Variants in TTN observed in about 807,000 individuals in gnomAD.
TTN encodes the protein connectin.
Under a neutral mutation model 3,223.0 loss-of-function variants are expected in TTN, and 1,525 were observed. The ratio of observed to expected loss-of-function variants is 0.47; its 90% CI spans 0.45 to 0.49. The LOEUF is 0.49. Ranked by LOEUF, TTN falls within the 20% of genes least tolerant of loss-of-function variation. The probability of loss-of-function intolerance (pLI) is 0.00; values close to 1 mark genes in which losing one functional copy is unlikely to be tolerated. For synonymous variants in TTN, 14,094 were observed against 15,161.0 expected (o/e 0.93, Z 5.17); for missense variants, 40,786 against 43,424.0 (o/e 0.94, Z 5.40).
In TTN at chr2:178,629,340, T is replaced by C. The variant is rs772233754; in HGVS notation, c.44385A>G (p.Glu14795=). ...CELSYEDIPV[E]WYLKGKKLEP... ...CTAGTTTCTTCCCTTTGAGATACCATTCCACTGGGATATCTTCGTAGGAGA... is the reference window on the plus strand; with the variant it reads ...CTAGTTTCTTCCCTTTGAGATACCACTCCACTGGGATATCTTCGTAGGAGA... The change falls in exon 240 of 363, where the codon GAA becomes GAG. Residue 14795 remains glutamate (E), a synonymous_variant. Transcript: ENST00000589042. 2 of 1,612,856 alleles carry C rather than the reference T, an allele frequency of 1.2e-6. No individual in the cohort carries two copies. Among genetic ancestry groups the C allele is most frequent in the Admixed American group, 1.7e-5 (1 of 59,974 alleles).
chr2:178,573,813 G>C lies in TTN; in HGVS notation c.72319C>G (p.Pro24107Ala). ...AAAATGTGTTTAGCAAAGCCACCAGGATTAGTCGCTGTAAGGGTATAGGCA... is the reference window on the plus strand; with the variant it reads ...AAAATGTGTTTAGCAAAGCCACCAGCATTAGTCGCTGTAAGGGTATAGGCA... The part of the protein sequence containing the change: ...SGAYTLTATN[P>A]GGFAKHIFNV... The change falls in exon 326 of 363, where the codon CCT becomes GCT. Residue 24107 changes from proline (P) to alanine (A), a missense_variant. Pro to Ala is a conservative substitution (Grantham distance 27, BLOSUM62 -1). Coordinates refer to ENST00000589042, the MANE Select transcript of TTN (RefSeq NM_001267550.2). 4.3e-6 allele frequency: 7 copies of C among 1,611,730 alleles called. No individual in the cohort carries two copies. Among genetic ancestry groups the C allele is most frequent in the Non-Finnish European group, 5.9e-6 (7 of 1,178,470 alleles).
chr2:178,696,143 T>C lies in TTN; in HGVS notation c.30929A>G (p.Lys10310Arg). Residue 10310 changes from lysine (K) to arginine (R), a missense_variant, in exon 114 of 363, where the codon AAG (lysine) becomes AGG (arginine). Coordinates refer to ENST00000589042, the MANE Select transcript of TTN (RefSeq NM_001267550.2). The stretch of plus-strand genomic sequence containing the variant: ...TTCGAAAGATTCAATGAAGACTCTC[T>C]TCTCCTTGTGGACTGCTTGCTTTTT... Reference protein sequence around the residue: ...YEKKQAVHKEKRVFIESFEEP... With the variant: ...YEKKQAVHKERRVFIESFEEP... 6.4e-7 allele frequency: 1 copy of C among 1,553,440 alleles called. No homozygotes were observed. Among genetic ancestry groups the C allele is most frequent in the Non-Finnish European group, 8.7e-7 (1 of 1,147,410 alleles).
chr2:178,689,087 T>C lies in TTN; in HGVS notation c.32061A>G (p.Pro10687=). ...GAGGAGCTTTCTTAGCGACAGGAAC[T>C]GGCACTGCAACTTTCTCCTCTGGGA... ...KPVPEEKVAV[P]VPVAKKAPPP... is the part of the protein sequence containing the mutation. The change falls in exon 125 of 363, where the codon CCA becomes CCG. Residue 10687 remains proline (P), a synonymous_variant. Coordinates refer to ENST00000589042, the MANE Select transcript of TTN (RefSeq NM_001267550.2). The C allele has an allele frequency of 6.2e-7, 1 of 1,608,574 alleles. No individual in the cohort carries two copies. The highest frequency in any genetic ancestry group is 8.5e-7 in the Non-Finnish European group (1 of 1,178,660).
In TTN at chr2:178,795,201, C is replaced by A. The variant is rs551244224; in HGVS notation, c.966G>T (p.Arg322Ser). ...GAGTCTTACGCATGAGCAATGGAGA[C>A]CTAACAGACCTGATGGGGGATGTGG... ...RISTSPIRSV[R>S]SPLLMRKTQA... Residue 322 changes from arginine to serine, a missense_variant, in exon 7 of 363, where the codon AGG (arginine) becomes AGT (serine). Transcript: ENST00000589042. The A allele has an allele frequency of 1.5e-5, 25 of 1,614,102 alleles. No homozygotes were observed. The highest frequency in any genetic ancestry group is 1.6e-4 in the Middle Eastern group (1 of 6,062).
intron 9 of TTN, among the ~76,000 whole-genome samples, chr2:178,792,679 T>C (rs1353776490): frequency 1.3e-5 from 2 of 152,230 alleles, no homozygotes; most frequent in Non-Finnish European, 2.9e-5. Flanking sequence ...CTGTGAAGAA[T>C]GCTGTTTCCA....
chr2:178,613,087 AATC>A lies in TTN; in HGVS notation c.49649-18_49649-16del. Reference sequence around the variant, plus strand: ...CCATGGAGGATCTGCAAGCCAATGAAATCATTGTTTAGGTTTGTCAAAAAGGAG... The same window carrying A: ...CCATGGAGGATCTGCAAGCCAATGAAATTGTTTAGGTTTGTCAAAAAGGAG... On this transcript the variant is annotated splice_polypyrimidine_tract_variant and intron_variant, in intron 264 of 362. Coordinates refer to ENST00000589042, the MANE Select transcript of TTN (RefSeq NM_001267550.2). 6.2e-7 allele frequency: 1 copy of A among 1,612,342 alleles called. No homozygotes were observed. The highest frequency in any genetic ancestry group is 8.5e-7 in the Non-Finnish European group (1 of 1,179,106).
chr2:178,624,975 A>G (rs758021579), intron 241 of TTN, among the ~76,000 whole-genome samples: 10 of 152,032 alleles, frequency 6.6e-5, no homozygotes, highest in Non-Finnish European at 8.8e-5. Context: ...CTTGGTTAAT[A>G]AAGTGATGGA....
chr2:178,612,145 AG>A lies in TTN; in HGVS notation c.50265del (p.Tyr16756ThrfsTer8). 1 of 1,611,160 alleles carries A rather than the reference AG, an allele frequency of 6.2e-7. No individual in the cohort carries two copies. The highest frequency in any genetic ancestry group is 8.5e-7 in the Non-Finnish European group (1 of 1,178,646). ...GTCACATCAACCACTGCCAGGGCGT[AG>A]GGTGGTCCAGGAGTGGCTGAAAATA... ...AKDTFTTPGP[P>X]YALAVVDVTK... On this transcript the variant is annotated frameshift_variant, in exon 267 of 363. Transcript: ENST00000589042. LOFTEE classifies it high-confidence loss of function.
In TTN at chr2:178,537,055, T is replaced by C. The variant is rs1221389929; in HGVS notation, c.100054A>G (p.Arg33352Gly). The change falls in exon 356 of 363, where the codon AGA becomes GGA. Residue 33352 changes from arginine to glycine, a missense_variant. Transcript: ENST00000589042. ...VSSAISVTTC[R>G]IVNLTENAGY... The stretch of plus-strand genomic sequence containing the variant: ...GCATTTTCTGTGAGGTTCACAATTC[T>C]ACAGGTTGTCACTGAGATGGCTGAA... The C allele has an allele frequency of 6.2e-7, 1 of 1,613,222 alleles. No homozygotes were observed. Among genetic ancestry groups the C allele is most frequent in the East Asian group, 2.2e-5 (1 of 44,814 alleles).
chr2:178,537,320 A>G, intron 355 of TTN, 22 bp downstream of exon 355: 1 of 1,523,110 alleles, frequency 6.6e-7, no homozygotes, highest in South Asian at 1.3e-5. Flanking sequence ...AATAAAAAGC[A>G]CTGAAAATAA....
Position 178,734,555 on chromosome 2 carries a change from G to A in TTN, c.15269C>T (p.Thr5090Ile). The part of the protein sequence containing the change: ...TLEPADIVRG[T>I]NALLQCEVSG... ...GACTTCACACTGAAGTAGAGCATTT[G>A]TTCCTCTCACTATGTCTGCAGGCTC... Residue 5090 changes from threonine (T) to isoleucine (I), a missense_variant, in exon 52 of 363, where the codon ACA becomes ATA. Physicochemically the swap from Thr to Ile is moderately conservative, Grantham distance 89 (BLOSUM62 -1). Coordinates refer to ENST00000589042, the MANE Select transcript of TTN (RefSeq NM_001267550.2). 6.2e-7 allele frequency: 1 copy of A among 1,603,976 alleles called. No individual in the cohort carries two copies. The highest frequency in any genetic ancestry group is 8.5e-7 in the Non-Finnish European group (1 of 1,174,012).
rs1355483968 is a variant in TTN at position 178,538,537 on chromosome 2, T to A, written c.99289+3A>T. ...CATAAGTAGAGAACCAAAGGCTACTTACATGTGAGTTTAGTCTTTATAGAC... is the reference window on the plus strand; with the variant it reads ...CATAAGTAGAGAACCAAAGGCTACTAACATGTGAGTTTAGTCTTTATAGAC... On this transcript the variant is annotated splice_donor_region_variant and intron_variant, in intron 354 of 362. Coordinates refer to ENST00000589042, the MANE Select transcript of TTN (RefSeq NM_001267550.2). 6.2e-7 allele frequency: 1 copy of A among 1,604,266 alleles called. No homozygotes were observed. The highest frequency in any genetic ancestry group is 1.3e-5 in the African/African-American group (1 of 74,764).
In TTN at chr2:178,565,099, C is replaced by T. The variant is rs765653425; in HGVS notation, c.81033G>A (p.Glu27011=). The T allele has an allele frequency of 1.2e-6, 2 of 1,613,604 alleles. No homozygotes were observed. Among genetic ancestry groups the T allele is most frequent in the South Asian group, 1.1e-5 (1 of 91,052 alleles). ...GGCQISNYIV[E]KRDTTTTTWH... ...AAGTGGTGGTGGTTGTATCTCGCTT[C>T]TCTACAATGTAGTTGCTTATTTGGC... The change falls in exon 326 of 363, where the codon GAG becomes GAA. Residue 27011 remains glutamate, a synonymous_variant. Transcript: ENST00000589042.
chr2:178,725,269 A>T (rs960074740), intron 71 of TTN, 99 bp downstream of exon 71: 1 of 1,274,340 alleles, frequency 7.8e-7, no homozygotes, highest in South Asian at 2.1e-5. Context: ...GAGGATAAAT[A>T]TAGTTCTAGA....
chr2:178,545,012 T>C (rs1039045948), intron 344 of TTN, among the ~76,000 whole-genome samples: 2 of 152,202 alleles, frequency 1.3e-5, no homozygotes, highest in East Asian at 1.9e-4. Context: ...CAGTAACTTA[T>C]GAAACCACTA....
In TTN at chr2:178,663,837, C is replaced by T. The variant is rs1338257351; in HGVS notation, c.36430G>A (p.Glu12144Lys). 6.2e-7 allele frequency: 1 copy of T among 1,613,482 alleles called. No individual in the cohort carries two copies. The change falls in exon 170 of 363, where the codon GAA becomes AAA. Residue 12144 changes from glutamate to lysine, a missense_variant. Coordinates refer to ENST00000589042, the MANE Select transcript of TTN (RefSeq NM_001267550.2). The part of the protein sequence containing the change: ...KVPLAPPKEP[E>K]VPPVKVPEPP... ...CAACTACCTTTAACAGGTGGGACTTCAGGCTCTTTAGGAGGAGCCAAGGGC... is the reference window on the plus strand; with the variant it reads ...CAACTACCTTTAACAGGTGGGACTTTAGGCTCTTTAGGAGGAGCCAAGGGC...
intron 133 of TTN, 144 bp from the exon 134 acceptor site, chr2:178,683,435 A>C: frequency 1.8e-6 from 1 of 569,742 alleles, no homozygotes; most frequent in Non-Finnish European, 3.1e-6. Flanking sequence ...GAAAATCAAT[A>C]GACTTGGAAA....
rs781654770 is a variant in TTN at position 178,548,874 on chromosome 2, C to A, written c.92752G>T (p.Asp30918Tyr). The stretch of plus-strand genomic sequence containing the variant: ...TCTAACTCAGGAGCTGTTAACCGGT[C>A]AACTGCTTTAATTGTGCCAGTCACT... ...CEVTGTIKAV[D>Y]RLTAPELDID... The change falls in exon 339 of 363, where the codon GAC becomes TAC. Residue 30918 changes from aspartate (D) to tyrosine (Y), a missense_variant. Physicochemically the swap from Asp to Tyr is radical, Grantham distance 160. Transcript: ENST00000589042. The surrounding 1 kb of genome is among the most constrained non-coding windows in gnomAD (Gnocchi z 4.3). 9 of 1,613,770 alleles carry A rather than the reference C, an allele frequency of 5.6e-6. 1 individual carries two copies. The highest frequency in any genetic ancestry group is 7.6e-6 in the Non-Finnish European group (9 of 1,179,824).
At chr2:178,720,326 A>G in intron 80 of TTN, 59 bp downstream of exon 80, 1 of 1,591,514 alleles carries the variant, frequency 6.3e-7, no homozygotes, top group Non-Finnish European at 8.6e-7. Context: ...ACAAGTTATT[A>G]GTTAGGCAAG....
Sources: allele counts gnomAD v4.1 joint callset (sites outside exome capture counted in the v4.1 genomes callset), GRCh38; gene constraint gnomAD v4.1.1; non-coding constraint Gnocchi (gnomAD v3.1); transcripts MANE v1.5; gene names NCBI Gene and HGNC (gene_info 2026-07-23, HGNC 2026-07-21).